Variants in PKD1L3 observed in about 807,000 individuals in gnomAD.
The protein encoded by PKD1L3 is polycystin 1 like 3, transient receptor potential channel interacting.
In PKD1L3, 239 loss-of-function variants were observed where a neutral mutation model predicts 184.1. The ratio of observed to expected loss-of-function variants is 1.30; its 90% CI spans 1.17 to 1.45. The LOEUF is 1.45. PKD1L3 is among the 40% of genes most tolerant of loss of function. PKD1L3 has a pLI of 0.00. For synonymous variants in PKD1L3, 996 were observed against 778.8 expected (o/e 1.28, Z -4.64); for missense variants, 2,660 against 2,067.2 (o/e 1.29, Z -5.56).
Position 71,986,483 on chromosome 16 carries a change from A to G in PKD1L3, c.586-14T>C. 1 of 1,544,282 alleles carries G rather than the reference A, an allele frequency of 6.5e-7. No individual in the cohort carries two copies. The highest frequency in any genetic ancestry group is 2.0e-5 in the Admixed American group (1 of 50,156). On this transcript the variant is annotated splice_polypyrimidine_tract_variant and intron_variant, in intron 4 of 29. Transcript: ENST00000620267. ...CAGGGTCTTGGACTAAAAGATAAAA[A>G]TATGTAAAGGAAAAGACTGAATCTG...
chr16:71,986,639 G>A (rs1356963282), intron 4 of PKD1L3, among the ~76,000 whole-genome samples, 170 bp from the exon 5 acceptor site: 1 of 152,102 alleles, frequency 6.6e-6, no homozygotes, highest in African/African-American at 2.4e-5. Flanking sequence ...CAAGAAATCT[G>A]CATATTACTT....
Position 71,986,431 on chromosome 16 carries a change from T to C in PKD1L3, c.624A>G (p.Ser208=). Residue 208 remains serine (S), a synonymous_variant, in exon 5 of 30, where the codon TCA becomes TCG. Transcript: ENST00000620267. ...CCTGTGATGTGATACTTGATAGTAC[T>C]GAAGGAAACTGGCTGATGGGATGAC... The part of the protein sequence containing the change: ...TLCHPISQFP[S]VLSSITSQVT... 4 of 1,551,904 alleles carry C rather than the reference T, an allele frequency of 2.6e-6. No homozygotes were observed. Among genetic ancestry groups the C allele is most frequent in the African/African-American group, 1.4e-5 (1 of 73,174 alleles).
At chr16:71,964,558 C>G (rs2143551099) in intron 15 of PKD1L3, among the ~76,000 whole-genome samples, 1 of 151,656 alleles carries the variant, frequency 6.6e-6, no homozygotes, top group Non-Finnish European at 1.5e-5. Flanking sequence ...CCAGGATGGT[C>G]TCGATCTCCT....
At chr16:71,933,176 G>A (rs996318173) in intron 28 of PKD1L3, among the ~76,000 whole-genome samples, 6 of 152,060 alleles carry the variant, frequency 3.9e-5, no homozygotes, top group African/African-American at 1.4e-4. Context: ...TTGCCAATAA[G>A]ATTAAGGACA....
chr16:71,943,452 C>T (rs1187938073), intron 23 of PKD1L3, among the ~76,000 whole-genome samples: 2 of 145,252 alleles, frequency 1.4e-5, no homozygotes, highest in African/African-American at 2.5e-5. Context: ...GTAGGAGAAT[C>T]GCTAGAACCC....
chr16:71,937,441 T>G (rs528915652), intron 24 of PKD1L3, 22 bp from the exon 25 acceptor site: 3 of 1,548,026 alleles, frequency 1.9e-6, no homozygotes, highest in South Asian at 2.4e-5. Flanking sequence ...AAAGAACACC[T>G]GGAGTCAAGA....
chr16:71,963,849 C>T (rs1173661055), intron 15 of PKD1L3, among the ~76,000 whole-genome samples: 1 of 152,154 alleles, frequency 6.6e-6, no homozygotes, highest in Non-Finnish European at 1.5e-5. Context: ...AGTTCATGTA[C>T]CAGACACCAG....
At chr16:71,991,134 T>C (rs1248395259) in intron 3 of PKD1L3, 1 of 168,444 alleles carries the variant, frequency 5.9e-6, no homozygotes, top group Non-Finnish European at 1.3e-5. Flanking sequence ...ATATGTGCCA[T>C]CTTAACGTGC....
At chr16:71,954,547 T>C (rs2038974143) in intron 16 of PKD1L3, among the ~76,000 whole-genome samples, 3 of 152,230 alleles carry the variant, frequency 2.0e-5, no homozygotes, top group African/African-American at 7.2e-5. Context: ...ATAATTTATA[T>C]GCTATGCGAG....
At chr16:71,961,740 G>C (rs960967933) in intron 16 of PKD1L3, among the ~76,000 whole-genome samples, 3 of 152,244 alleles carry the variant, frequency 2.0e-5, no homozygotes, top group African/African-American at 2.4e-5. Flanking sequence ...TGGCCTCACT[G>C]AATTTCTGAC....
intron 4 of PKD1L3, among the ~76,000 whole-genome samples, chr16:71,988,302 C>A (rs1339614505): frequency 1.3e-5 from 2 of 152,176 alleles, no homozygotes; most frequent in Admixed American, 1.3e-4. Context: ...TCAAGGAATT[C>A]TTCTGCCTCA....
intron 17 of PKD1L3, 127 bp from the exon 18 acceptor site, chr16:71,953,220 G>C (rs1265032729): frequency 1.3e-6 from 1 of 780,378 alleles, no homozygotes; most frequent in Admixed American, 3.7e-5. Flanking sequence ...AAATTATCCT[G>C]GCAGTAAAGA....
chr16:71,945,802 G>A (rs1177732144), intron 22 of PKD1L3, among the ~76,000 whole-genome samples: 1 of 152,144 alleles, frequency 6.6e-6, no homozygotes, highest in African/African-American at 2.4e-5. Context: ...AGTCAGAGAA[G>A]GCGCCACAGA....
chr16:71,992,179 G>A (rs992663037), intron 3 of PKD1L3, among the ~76,000 whole-genome samples: 3 of 152,098 alleles, frequency 2.0e-5, no homozygotes, highest in South Asian at 4.1e-4. Context: ...GATCCAGCCC[G>A]CAAACTTTTT....
chr16:71,937,466 C>A, intron 24 of PKD1L3, 47 bp from the exon 25 acceptor site: 1 of 1,532,532 alleles, frequency 6.5e-7, no homozygotes, highest in Non-Finnish European at 8.8e-7. Flanking sequence ...AAAACTTTTG[C>A]CCTCTTCTTG....
chr16:71,982,719 C>A (rs973516509), intron 6 of PKD1L3, among the ~76,000 whole-genome samples: 5 of 152,128 alleles, frequency 3.3e-5, no homozygotes, highest in Admixed American at 3.3e-4. Flanking sequence ...TCCTCAGCCT[C>A]CCCAGTAGCT....
At chr16:71,937,469 T>A in intron 24 of PKD1L3, 50 bp from the exon 25 acceptor site, 1 of 1,529,340 alleles carries the variant, frequency 6.5e-7, no homozygotes, top group East Asian at 2.5e-5. Flanking sequence ...ACTTTTGCCC[T>A]CTTCTTGTTA....
chr16:71,941,549 C>T (rs1197116034), intron 24 of PKD1L3, among the ~76,000 whole-genome samples: 4 of 149,632 alleles, frequency 2.7e-5, no homozygotes, highest in South Asian at 2.1e-4. Flanking sequence ...CTTAAGGTCA[C>T]GTTTCCAGAT....
intron 21 of PKD1L3, among the ~76,000 whole-genome samples, chr16:71,947,978 G>A (rs988739084): frequency 2.0e-5 from 3 of 151,102 alleles, no homozygotes; most frequent in Admixed American, 6.6e-5. Context: ...ATGCAGTGGC[G>A]CAATCTCGGC....
Sources: allele counts gnomAD v4.1 joint callset (sites outside exome capture counted in the v4.1 genomes callset), GRCh38; gene constraint gnomAD v4.1.1; transcripts MANE v1.5; gene names NCBI Gene and HGNC (gene_info 2026-07-23, HGNC 2026-07-21).